Variants in USP9X observed in about 807,000 individuals in gnomAD.
The protein encoded by USP9X is ubiquitin specific peptidase 9 X-linked.
In USP9X, 7 loss-of-function variants were observed where a neutral mutation model predicts 190.3. The ratio of observed to expected loss-of-function variants is 0.04; its 90% CI spans 0.02 to 0.07. The LOEUF (loss-of-function observed/expected upper bound fraction) is 0.07. USP9X is among the 10% of genes least tolerant of loss of function. The pLI, the probability that USP9X is intolerant of heterozygous loss-of-function variation, is 1.00. For missense variants in USP9X, 1,010 were observed against 1,916.9 expected (o/e 0.53, Z 8.83); for synonymous variants, 645 against 659.5 (o/e 0.98, Z 0.34).
intron 1 of USP9X, among the ~76,000 whole-genome samples, chrX:41,117,579 CTTT>C (rs746348929): frequency 3.9e-5 from 3 of 76,024 alleles, no homozygotes; most frequent in African/African-American, 1.0e-4. Flanking sequence ...TTTTCTTCTT[CTTT>C]TTTTTTTTTT....
At chrX:41,229,871 T>C (rs998517978) in intron 43 of USP9X, 92 bp downstream of exon 43, 26 of 1,163,276 alleles carry the variant, frequency 2.2e-5, no homozygotes, top group Non-Finnish European at 3.0e-5. Flanking sequence ...ATTAATGATA[T>C]TATTAAAAGA....
At chrX:41,122,542 G>T (rs1026912194) in intron 1 of USP9X, among the ~76,000 whole-genome samples, 3 of 111,873 alleles carry the variant, frequency 2.7e-5, no homozygotes, top group Non-Finnish European at 5.6e-5. Context: ...ACACAGGTGA[G>T]CAGGTACAGG....
intron 21 of USP9X, among the ~76,000 whole-genome samples, chrX:41,173,602 A>G (rs2062747387): frequency 9.0e-6 from 1 of 111,669 alleles, no homozygotes. Context: ...TATACCAGGA[A>G]ATTAATGTCG....
chrX:41,212,019 A>AG (rs1332028846), intron 33 of USP9X, among the ~76,000 whole-genome samples: 2 of 109,144 alleles, frequency 1.8e-5, no homozygotes, highest in South Asian at 7.7e-4. Context: ...TGGAATAGAA[A>AG]GGGGGGAAAG....
chrX:41,228,433 T>C (rs763778328), intron 41 of USP9X, among the ~76,000 whole-genome samples: 1 of 111,798 alleles, frequency 8.9e-6, no homozygotes, highest in Non-Finnish European at 1.9e-5. Context: ...TCCTGTGTTA[T>C]TGGCAAATCA....
At chrX:41,198,498 T>C in intron 29 of USP9X, 30 bp from the exon 30 acceptor site, 1 of 1,105,846 alleles carries the variant, frequency 9.0e-7, no homozygotes. Context: ...ATAGCATTGC[T>C]AATATGTAAT....
chrX:41,088,077 G>C (rs1173604490), intron 1 of USP9X, among the ~76,000 whole-genome samples: 1 of 111,782 alleles, frequency 8.9e-6, no homozygotes, highest in Non-Finnish European at 1.9e-5. Flanking sequence ...TCCACCTCCC[G>C]GGTTCAAGGG....
chrX:41,212,917 CT>C (rs765472202), intron 33 of USP9X, among the ~76,000 whole-genome samples: 88 of 111,678 alleles, frequency 7.9e-4, no homozygotes, highest in Non-Finnish European at 1.3e-3. Context: ...TTTGAAAGGC[CT>C]TTTATATTAG....
intron 43 of USP9X, chrX:41,230,020 G>C (rs1238634163): frequency 2.3e-6 from 1 of 435,411 alleles, no homozygotes; most frequent in Non-Finnish European, 3.6e-6. Context: ...GGCCAACAAG[G>C]TGAAATCCCA....
intron 1 of USP9X, among the ~76,000 whole-genome samples, chrX:41,097,953 T>C (rs2062004590): frequency 8.9e-6 from 1 of 111,783 alleles, no homozygotes; most frequent in Admixed American, 9.6e-5. Context: ...CTGTAAATTT[T>C]ATTTTAACTG....
intron 21 of USP9X, among the ~76,000 whole-genome samples, chrX:41,179,676 A>G (rs765318168): frequency 3.3e-4 from 37 of 112,034 alleles, no homozygotes; most frequent in Non-Finnish European, 6.0e-4. Context: ...TTGTATCTCT[A>G]CAGCAATGAG....
chrX:41,123,756 A>G, intron 2 of USP9X, 32 bp downstream of exon 2: 1 of 1,169,985 alleles, frequency 8.5e-7, no homozygotes. Context: ...TTAAAGCTAC[A>G]GTGGGGCTGG....
intron 32 of USP9X, among the ~76,000 whole-genome samples, chrX:41,208,305 G>A (rs1216052020): frequency 8.9e-6 from 1 of 112,420 alleles, no homozygotes; most frequent in African/African-American, 3.2e-5. Flanking sequence ...GATTACAGGC[G>A]AGAGCCACTG....
At chrX:41,125,678 ACACACACT>A (rs1273711705) in intron 2 of USP9X, among the ~76,000 whole-genome samples, 57 of 33,863 alleles carry the variant, frequency 1.7e-3, no homozygotes, top group African/African-American at 6.2e-3. Context: ...ACACACACAC[ACACACACT>A]CTCTCTCTCT....
At chrX:41,197,595 C>A in intron 29 of USP9X, 85 bp downstream of exon 29, 1 of 763,283 alleles carries the variant, frequency 1.3e-6, no homozygotes, top group Non-Finnish European at 1.8e-6. Context: ...ATAGTAGTAT[C>A]ATGTCTTTGT....
intron 9 of USP9X, among the ~76,000 whole-genome samples, chrX:41,142,135 T>C (rs750092262): frequency 2.7e-5 from 3 of 110,930 alleles, no homozygotes; most frequent in Admixed American, 1.9e-4. Context: ...TGCTTAGATA[T>C]TGCCCTGTGT....
At position 41,188,034 on chromosome X, in the gene USP9X, C is replaced by G; in HGVS notation, c.3727C>G (p.Gln1243Glu). The change falls in exon 25 of 45, where the codon CAA (glutamine) becomes GAA (glutamate). Residue 1243 changes from glutamine (Q) to glutamate (E), a missense_variant. Gln to Glu is a conservative substitution (Grantham distance 29). This residue lies in a region of USP9X where 351 missense variants were observed against 480.8 expected (regional missense o/e 0.73). Coordinates refer to ENST00000378308, the MANE Select transcript of USP9X (RefSeq NM_001039591.3). ...MPDICVIRAI[Q>E]KIIWASGCGS... Reference sequence around the variant, plus strand: ...TGATATTTGTGTAATTAGAGCTATACAAAAAATTATCTGGGCATCAGGATG... The same window carrying G: ...TGATATTTGTGTAATTAGAGCTATAGAAAAAATTATCTGGGCATCAGGATG... 1 of 1,208,523 alleles carries G rather than the reference C, an allele frequency of 8.3e-7. No individual in the cohort carries two copies. The highest frequency in any genetic ancestry group is 1.1e-6 in the Non-Finnish European group (1 of 893,230).
In USP9X at chrX:41,200,935, G is replaced by C. The variant is rs1343320967; in HGVS notation, c.4604-125G>C. 6.1e-6 allele frequency: 4 copies of C among 651,545 alleles called. No individual in the cohort carries two copies. In the Admixed American group the frequency reaches 1.2e-4, roughly 19 times the overall value. 53.7% of individuals were successfully genotyped at this position (651,545 alleles called of 1,213,427 possible). ...AGTGCAAACTCAGAACACTGCTTCA[G>C]GTTGCTGTAGGGTTAGTCGAATTAT... On this transcript the variant is annotated intron_variant, in intron 30 of 44. Coordinates refer to ENST00000378308, the MANE Select transcript of USP9X (RefSeq NM_001039591.3).
chrX:41,210,426 T>C, intron 32 of USP9X, 83 bp from the exon 33 acceptor site: 1 of 1,011,342 alleles, frequency 9.9e-7, no homozygotes. Context: ...GTCTTGTTGC[T>C]TTTTTTTCCC....
Sources: allele counts gnomAD v4.1 joint callset (sites outside exome capture counted in the v4.1 genomes callset), GRCh38; gene constraint gnomAD v4.1.1; regional missense constraint gnomAD v4.1.1; transcripts MANE v1.5; gene names NCBI Gene and HGNC (gene_info 2026-07-23, HGNC 2026-07-21).